The following EPHA4 variants were observed in gnomAD, a reference collection of about 807,000 sequenced individuals.
EPHA4 encodes EPH receptor A4.
In EPHA4, 19 loss-of-function variants were observed where a neutral mutation model predicts 108.3. That is an observed-to-expected ratio of 0.18 (90% CI 0.12 to 0.26). The LOEUF is 0.26. EPHA4 is among the 10% of genes least tolerant of loss of function. EPHA4 has a pLI of 1.00. For synonymous variants in EPHA4, 449 were observed against 455.5 expected (o/e 0.99, Z 0.18); for missense variants, 917 against 1,254.0 (o/e 0.73, Z 4.06).
rs1559297332 is a variant in EPHA4 at position 221,566,944 on chromosome 2, G to GGAAGAGGA, written c.159+1773_159+1774insTCCTCTTC. ...GGAGAAGGAGAAGGAGAAGGAGAAG[G>GGAAGAGGA]AGAAGGAGAAGGGGAAGAGGAAGAG... On this transcript the variant is annotated intron_variant, in intron 2 of 17. Coordinates refer to ENST00000281821, the MANE Select transcript of EPHA4 (RefSeq NM_004438.5). Among the ~76,000 whole-genome samples, 13 of 7,698 alleles carry GGAAGAGGA rather than the reference G, an allele frequency of 1.7e-3. 4 individuals are homozygous for GGAAGAGGA. Among genetic ancestry groups the GGAAGAGGA allele is most frequent in the African/African-American group, 6.9e-3 (13 of 1,896 alleles). 5.1% of individuals were successfully genotyped at this position (7,698 alleles called of 152,430 possible).
In EPHA4 at chr2:221,434,263, G is replaced by C. The variant is rs772762078; in HGVS notation, c.2375C>G (p.Ala792Gly). 3 of 1,613,856 alleles carry C rather than the reference G, an allele frequency of 1.9e-6. No homozygotes were observed. Among genetic ancestry groups the C allele is most frequent in the African/African-American group, 2.7e-5 (2 of 74,874 alleles). ...TTTACGATAGGCAATTGCTTCTGGC[G>C]CAGTCCACCGGATAGGAATCTTGCC... is the stretch of plus-strand genomic sequence containing the variant. ...RGGKIPIRWT[A>G]PEAIAYRKFT... Residue 792 changes from alanine to glycine, a missense_variant, in exon 14 of 18, where the codon GCG (alanine) becomes GGG (glycine). Physicochemically the swap from Ala to Gly is moderately conservative, Grantham distance 60. Transcript: ENST00000281821.
At chr2:221,427,967 T>G (rs1231382475) in intron 15 of EPHA4, among the ~76,000 whole-genome samples, 1 of 152,210 alleles carries the variant, frequency 6.6e-6, no homozygotes, top group East Asian at 1.9e-4. Context: ...TGTCCATTAT[T>G]TCAATATAAG....
At chr2:221,461,985 C>CTTTTTTTTT (rs71050335) in intron 5 of EPHA4, among the ~76,000 whole-genome samples, 1 of 138,922 alleles carries the variant, frequency 7.2e-6, no homozygotes, top group Admixed American at 7.3e-5. Flanking sequence ...TGAACACATT[C>CTTTTTTTTT]TTTTTTTTTT....
At chr2:221,426,753 T>C (rs1689925111) in intron 15 of EPHA4, 134 bp from the exon 16 acceptor site, 1 of 755,460 alleles carries the variant, frequency 1.3e-6, no homozygotes, top group African/African-American at 1.8e-5. Flanking sequence ...CAATTGTTGT[T>C]AAATGTAACT....
At chr2:221,444,124 T>G (rs16862666) in intron 9 of EPHA4, among the ~76,000 whole-genome samples, 50,262 of 152,158 alleles carry the variant, frequency 0.33, 9,525 homozygotes, top group African/African-American at 0.53. Context: ...AAGGTTAATA[T>G]CAGCTAGTTG....
intron 3 of EPHA4, among the ~76,000 whole-genome samples, chr2:221,513,858 A>C (rs1018591315): frequency 1.3e-5 from 2 of 152,194 alleles, no homozygotes; most frequent in African/African-American, 4.8e-5. Flanking sequence ...GGAGCACAAA[A>C]TAAAAATTCT....
intron 4 of EPHA4, among the ~76,000 whole-genome samples, chr2:221,498,302 G>A (rs1692363609): frequency 6.6e-6 from 1 of 152,186 alleles, no homozygotes; most frequent in Admixed American, 6.5e-5. Context: ...GAAAGTAAGT[G>A]GGGGAGTACA....
At chr2:221,508,087 A>G (rs1264273207) in intron 3 of EPHA4, among the ~76,000 whole-genome samples, 1 of 152,208 alleles carries the variant, frequency 6.6e-6, no homozygotes, top group Non-Finnish European at 1.5e-5. Flanking sequence ...GTCCAGGGAC[A>G]TGTTTTGAGA....
Position 221,425,978 on chromosome 2 carries a change from A to G in EPHA4, c.*50T>C. On this transcript the variant is annotated 3_prime_UTR_variant, in exon 17 of 18. Coordinates refer to ENST00000281821, the MANE Select transcript of EPHA4 (RefSeq NM_004438.5). Reference sequence around the variant, plus strand: ...AAGTGCAGTTCTTCAATTAAAGTGCATGGATGAGGTAAACTAATTTCAAGA... The same window carrying G: ...AAGTGCAGTTCTTCAATTAAAGTGCGTGGATGAGGTAAACTAATTTCAAGA... 6.8e-7 allele frequency: 1 copy of G among 1,471,228 alleles called. No homozygotes were observed. Among genetic ancestry groups the G allele is most frequent in the Non-Finnish European group, 9.5e-7 (1 of 1,051,394 alleles). 91.1% of individuals were successfully genotyped at this position (1,471,228 alleles called of 1,614,324 possible).
At chr2:221,455,810 C>A in intron 7 of EPHA4, 152 bp from the exon 8 acceptor site, 2 of 628,396 alleles carry the variant, frequency 3.2e-6, no homozygotes, top group Non-Finnish European at 5.6e-6. Flanking sequence ...AATGTACCTC[C>A]TTCCCCGAGA....
intron 3 of EPHA4, among the ~76,000 whole-genome samples, chr2:221,535,788 G>T (rs61400827): frequency 0.023 from 3,465 of 152,200 alleles, 110 homozygotes; most frequent in African/African-American, 0.071. Flanking sequence ...CCTTTGGTTG[G>T]ATGAAATATC....
At chr2:221,521,138 A>G (rs558604261) in intron 3 of EPHA4, among the ~76,000 whole-genome samples, 5 of 152,366 alleles carry the variant, frequency 3.3e-5, no homozygotes, top group Admixed American at 1.3e-4. Context: ...AATTCTTGTA[A>G]GAATTCTTCC....
rs1366582871 is a variant in EPHA4, at chr2:221,564,160, C to T, written c.394G>A (p.Asp132Asn). 2.5e-6 allele frequency: 4 copies of T among 1,614,088 alleles called. No individual in the cohort carries two copies. Among genetic ancestry groups the T allele is most frequent in the Non-Finnish European group, 2.5e-6 (3 of 1,180,014 alleles). The change falls in exon 3 of 18, where the codon GAC becomes AAC. Residue 132 changes from aspartate (D) to asparagine (N), a missense_variant. Physicochemically the swap from Asp to Asn is conservative, Grantham distance 23. Around this residue, in one of 3 missense-constraint regions of EPHA4, gnomAD observed 758 missense variants for 1,076.7 expected, o/e 0.70. Coordinates refer to ENST00000281821, the MANE Select transcript of EPHA4 (RefSeq NM_004438.5). ...TTCTCTCTGATGAAACGCTCTTTGT[C>T]GTTGTCTGATTCATAGTAGTACAGG... ...FNLYYYESDNDKERFIRENQF... is the reference protein window; with the variant it reads ...FNLYYYESDNNKERFIRENQF...
At chr2:221,565,967 G>GT (rs1181902132) in intron 2 of EPHA4, among the ~76,000 whole-genome samples, 2 of 152,160 alleles carry the variant, frequency 1.3e-5, no homozygotes, top group Non-Finnish European at 2.9e-5. Context: ...CAGCCTGAAC[G>GT]TAATTGTCTA....
At chr2:221,559,672 T>A (rs1002531561) in intron 3 of EPHA4, among the ~76,000 whole-genome samples, 1 of 152,216 alleles carries the variant, frequency 6.6e-6, no homozygotes, top group Admixed American at 6.5e-5. Flanking sequence ...CATTTCTTCA[T>A]TAGGGGTATG....
At chr2:221,535,822 A>C (rs144747522) in intron 3 of EPHA4, among the ~76,000 whole-genome samples, 4 of 152,336 alleles carry the variant, frequency 2.6e-5, no homozygotes, top group South Asian at 4.1e-4. Context: ...GTAGGGAAAG[A>C]ATCTTACATG....
intron 6 of EPHA4, among the ~76,000 whole-genome samples, chr2:221,457,553 T>C (rs1303955316): frequency 6.6e-6 from 1 of 152,240 alleles, no homozygotes; most frequent in African/African-American, 2.4e-5. Context: ...GATATAGTTA[T>C]ATTACAATAC....
At chr2:221,540,523 C>G (rs912967041) in intron 3 of EPHA4, among the ~76,000 whole-genome samples, 6 of 152,158 alleles carry the variant, frequency 3.9e-5, no homozygotes, top group African/African-American at 1.4e-4. Flanking sequence ...GATGAATACA[C>G]CACAAAACCT....
intron 4 of EPHA4, among the ~76,000 whole-genome samples, chr2:221,488,110 G>A (rs1433080201): frequency 6.6e-6 from 1 of 152,064 alleles, no homozygotes; most frequent in Non-Finnish European, 1.5e-5. Flanking sequence ...TATCTCCAAA[G>A]AAGCCATAGA....
Sources: gnomAD v4.1 joint callset for allele counts (sites outside exome capture counted in the v4.1 genomes callset) on GRCh38, gnomAD v4.1.1 for gene constraint, gnomAD v4.1.1 regional missense constraint, MANE v1.5 for transcripts, NCBI Gene and HGNC (gene_info 2026-07-23, HGNC 2026-07-21) for gene names.